UBE3A: variants seen among roughly 807,000 people sequenced by gnomAD.
UBE3A encodes the protein ubiquitin protein ligase E3A.
UBE3A carries 6 observed loss-of-function variants against 83.4 expected under a neutral mutation model. That is an observed-to-expected ratio of 0.07 (90% CI 0.04 to 0.14). The LOEUF (loss-of-function observed/expected upper bound fraction) is 0.14. Ranked by LOEUF, UBE3A falls within the 10% of genes least tolerant of loss-of-function variation. The pLI is 1.00. For missense variants in UBE3A, 456 were observed against 1,036.1 expected, an observed-to-expected ratio of 0.44 and a Z score of 7.69; for synonymous variants, 337 against 355.4, an observed-to-expected ratio of 0.95 and a Z score of 0.58.
chr15:25,420,468 GATACAGAAGAA>G (rs1191566084), intron 1 of UBE3A, among the ~76,000 whole-genome samples: 6 of 152,158 alleles, frequency 3.9e-5, no homozygotes, highest in African/African-American at 1.4e-4. Context: ...AATCAGTAAG[GATACAGAAGAA>G]ATACATTTAT....
intron 4 of UBE3A, among the ~76,000 whole-genome samples, chr15:25,381,887 C>G (rs919581651): frequency 1.3e-5 from 2 of 152,118 alleles, no homozygotes; most frequent in African/African-American, 4.8e-5. Flanking sequence ...AAGACTAAAC[C>G]TACAATTGTG....
intron 3 of UBE3A, chr15:25,406,984 C>T: frequency 3.3e-6 from 3 of 909,630 alleles, no homozygotes; most frequent in Non-Finnish European, 4.4e-6. Flanking sequence ...CTGGAGGTGG[C>T]AGTGACTTGG....
chr15:25,371,568 T>C lies in UBE3A; in HGVS notation c.606A>G (p.Glu202=), dbSNP rs1489801793. The C allele has an allele frequency of 6.2e-7, 1 of 1,614,202 alleles. No individual in the cohort carries two copies. Among genetic ancestry groups the C allele is most frequent in the South Asian group, 1.1e-5 (1 of 91,082 alleles). ...TCCTTGAGGAAGATGCTTCTGAGTC[T>C]TCTTCCATAGCAGCAGCAGAACATG... ...KAACSAAAME[E]DSEASSSRIG... is the part of the protein sequence containing the mutation. The change falls in exon 6 of 13, where the codon GAA becomes GAG. Residue 202 remains glutamate (E), a synonymous_variant. Coordinates refer to ENST00000648336, the MANE Select transcript of UBE3A (RefSeq NM_130839.5). The surrounding 1 kb of genome is among the most constrained non-coding windows in gnomAD (Gnocchi z 5.3).
chr15:25,424,122 T>C (rs533027347), intron 1 of UBE3A, among the ~76,000 whole-genome samples: 13 of 152,294 alleles, frequency 8.5e-5, no homozygotes, highest in Non-Finnish European at 1.5e-4. Context: ...CCCATCTCAC[T>C]TATAGGTAAA....
At chr15:25,402,125 T>A (rs1205129119) in intron 4 of UBE3A, among the ~76,000 whole-genome samples, 1 of 152,212 alleles carries the variant, frequency 6.6e-6, no homozygotes, top group Admixed American at 6.5e-5. Flanking sequence ...CCTGTAGTCA[T>A]GTGTTGGCAC....
In UBE3A at chr15:25,338,523, T is replaced by G. The variant is rs569646985; in HGVS notation, c.*614A>C. Reference sequence around the variant, plus strand: ...TTTCTCCCTTCCTTCCATCTTTCTTTATTGATTGATTCTCAAGATTTTGCA... The same window carrying G: ...TTTCTCCCTTCCTTCCATCTTTCTTGATTGATTGATTCTCAAGATTTTGCA... On this transcript the variant is annotated 3_prime_UTR_variant, in exon 13 of 13. Coordinates refer to ENST00000648336, the MANE Select transcript of UBE3A (RefSeq NM_130839.5). 3 of 152,106 alleles carry G rather than the reference T, an allele frequency of 2.0e-5. No homozygotes were observed. Among genetic ancestry groups the G allele is most frequent in the East Asian group, 1.9e-4 (1 of 5,196 alleles). 9.4% of individuals were successfully genotyped at this position (152,106 alleles called of 1,614,324 possible).
rs571770539 is a variant in UBE3A at position 25,342,326 on chromosome 15, G to C, written c.2355-2098C>G. 2.6e-5 allele frequency among the ~76,000 whole-genome samples: 4 copies of C among 152,212 alleles called. No individual in the cohort carries two copies. The East Asian group carries it at 7.7e-4, about 29-fold the overall frequency. ...AGAGCACCACCGAAGAACAGAGACAGACCCTGCAGGAAGTGGCAGATCAGC... is the reference window on the plus strand; with the variant it reads ...AGAGCACCACCGAAGAACAGAGACACACCCTGCAGGAAGTGGCAGATCAGC... On this transcript the variant is annotated intron_variant, in intron 11 of 12. Coordinates refer to ENST00000648336, the MANE Select transcript of UBE3A (RefSeq NM_130839.5).
rs564165721 is a variant in UBE3A, at chr15:25,336,559, C to G, written c.*2578G>C. 34 of 152,086 alleles carry G rather than the reference C, an allele frequency of 2.2e-4. No homozygotes were observed. The South Asian group carries it at 6.4e-3, about 29-fold the overall frequency. The allele number at this position is 152,086 out of a possible 1,614,324, so 9.4% of individuals were successfully genotyped here. On this transcript the variant is annotated 3_prime_UTR_variant, in exon 13 of 13. Coordinates refer to ENST00000648336, the MANE Select transcript of UBE3A (RefSeq NM_130839.5). ...TTTCAAGTTTCTTTTTGATATGTATCTATCTATCTATCATCTCCCTATACA... is the reference window on the plus strand; with the variant it reads ...TTTCAAGTTTCTTTTTGATATGTATGTATCTATCTATCATCTCCCTATACA...
At chr15:25,387,373 T>A (rs963824514) in intron 4 of UBE3A, among the ~76,000 whole-genome samples, 1 of 151,952 alleles carries the variant, frequency 6.6e-6, no homozygotes, top group African/African-American at 2.4e-5. Context: ...TACAAAAAAA[T>A]TAGCCACACG....
intron 6 of UBE3A, among the ~76,000 whole-genome samples, chr15:25,369,663 T>C (rs957652630): frequency 7.2e-5 from 11 of 152,182 alleles, no homozygotes; most frequent in African/African-American, 2.4e-4. Context: ...CAGGGATAGC[T>C]AATACTAGAA....
rs1346158957 is a variant in UBE3A, at chr15:25,335,658, C to T, written c.*3479G>A. 1.3e-5 allele frequency: 2 copies of T among 151,892 alleles called. No individual in the cohort carries two copies. Among genetic ancestry groups the T allele is most frequent in the Non-Finnish European group, 2.9e-5 (2 of 67,996 alleles). 9.4% of individuals were successfully genotyped at this position (151,892 alleles called of 1,614,324 possible). Reference sequence around the variant, plus strand: ...TAAAAAGAAACAAAGAATGGTCGGTCGATAGAGATGCAAGATGAAGAATTT... The same window carrying T: ...TAAAAAGAAACAAAGAATGGTCGGTTGATAGAGATGCAAGATGAAGAATTT... On this transcript the variant is annotated 3_prime_UTR_variant, in exon 13 of 13. Coordinates refer to ENST00000648336, the MANE Select transcript of UBE3A (RefSeq NM_130839.5).
intron 1 of UBE3A, among the ~76,000 whole-genome samples, chr15:25,435,646 G>C (rs1314943730): frequency 6.6e-6 from 1 of 152,176 alleles, no homozygotes. Flanking sequence ...CCCTCACTAA[G>C]ATGTCAAATT....
intron 11 of UBE3A, among the ~76,000 whole-genome samples, chr15:25,340,726 G>T (rs963053981): frequency 6.6e-6 from 1 of 151,472 alleles, no homozygotes; most frequent in African/African-American, 2.4e-5. Context: ...AAGAAAAAAA[G>T]ACCCCCTGCC....
intron 4 of UBE3A, among the ~76,000 whole-genome samples, chr15:25,403,160 T>C (rs1445507372): frequency 6.6e-6 from 1 of 152,200 alleles, no homozygotes; most frequent in African/African-American, 2.4e-5. Context: ...TGTGATAAAG[T>C]CTTTAATCTT....
At chr15:25,405,288 C>T (rs765283970) in intron 4 of UBE3A, among the ~76,000 whole-genome samples, 173 bp downstream of exon 4, 15 of 151,958 alleles carry the variant, frequency 9.9e-5, no homozygotes, top group Non-Finnish European at 2.2e-4. Flanking sequence ...AAACTGTTAC[C>T]GAGGTTTAGA....
At chr15:25,401,430 T>C (rs1448537567) in intron 4 of UBE3A, among the ~76,000 whole-genome samples, 1 of 152,186 alleles carries the variant, frequency 6.6e-6, no homozygotes, top group African/African-American at 2.4e-5. Flanking sequence ...AGTCACCAAG[T>C]CTTGGGCTTC....
chr15:25,366,691 C>A (rs940078864), intron 6 of UBE3A, among the ~76,000 whole-genome samples: 1 of 152,150 alleles, frequency 6.6e-6, no homozygotes, highest in African/African-American at 2.4e-5. Context: ...TCTTAAAAAT[C>A]TGAGTTTCCA....
At chr15:25,365,893 G>A (rs1359031473) in intron 6 of UBE3A, among the ~76,000 whole-genome samples, 1 of 152,116 alleles carries the variant, frequency 6.6e-6, no homozygotes, top group Non-Finnish European at 1.5e-5. Context: ...AGAAAAGTCT[G>A]TTATATCTCA....
intron 1 of UBE3A, chr15:25,415,989 CAA>C (rs1261511166): frequency 1.3e-5 from 2 of 151,656 alleles, no homozygotes; most frequent in Admixed American, 1.3e-4. Flanking sequence ...AACGTTTTTT[CAA>C]AGACTAAATA....
Sources: allele counts gnomAD v4.1 joint callset (sites outside exome capture counted in the v4.1 genomes callset), GRCh38; gene constraint gnomAD v4.1.1; non-coding constraint Gnocchi (gnomAD v3.1); transcripts MANE v1.5; gene names NCBI Gene and HGNC (gene_info 2026-07-23, HGNC 2026-07-21).